Variants in REXO4 observed in about 807,000 individuals in gnomAD.
REXO4 encodes the protein REX4 homolog, 3'-5' exonuclease.
In REXO4, 29 loss-of-function variants were observed where a neutral mutation model predicts 39.9. That is an observed-to-expected ratio of 0.73 (90% CI 0.54 to 0.99). REXO4 has a LOEUF of 0.99. REXO4 is among the 50% of genes least tolerant of loss of function. The probability of loss-of-function intolerance (pLI) is 0.00; values close to 1 mark genes in which losing one functional copy is unlikely to be tolerated. For synonymous variants in REXO4, 184 were observed against 206.2 expected, an observed-to-expected ratio of 0.89 and a Z score of 0.92; for missense variants, 524 against 546.5, an observed-to-expected ratio of 0.96 and a Z score of 0.41.
chr9:133,407,663 AT>A (rs3214115), intron 7 of REXO4, 143 bp downstream of exon 7: 81,466 of 439,018 alleles, frequency 0.19, 1,536 homozygotes, highest in African/African-American at 0.2. Context: ...CCGCTCTACC[AT>A]TTTTTTTTTT....
At chr9:133,417,589 A>G in intron 1 of REXO4, 31 bp downstream of exon 1, 2 of 1,605,358 alleles carry the variant, frequency 1.2e-6, no homozygotes, top group Middle Eastern at 1.7e-4. Flanking sequence ...TGAGCTGCGC[A>G]GCGCTCCGCC....
At chr9:133,417,526 T>C (rs2130750939) in intron 1 of REXO4, 94 bp downstream of exon 1, 3 of 1,323,368 alleles carry the variant, frequency 2.3e-6, no homozygotes, top group East Asian at 2.3e-5. Context: ...AATCTGCCTT[T>C]ACAGGTCTTT....
upstream of REXO4, chr9:133,418,017 G>A (rs900791802): frequency 1.8e-5 from 11 of 622,082 alleles, no homozygotes; most frequent in Non-Finnish European, 2.5e-5. Flanking sequence ...GCATACCTCA[G>A]CACGCACGCT....
At chr9:133,413,618 C>T (rs1018553779) in intron 2 of REXO4, among the ~76,000 whole-genome samples, 1 of 152,160 alleles carries the variant, frequency 6.6e-6, no homozygotes, top group Non-Finnish European at 1.5e-5. Flanking sequence ...CCTTGCCCTC[C>T]GTACTAGGAA....
chr9:133,416,912 G>GT (rs1554781694), intron 1 of REXO4, among the ~76,000 whole-genome samples: 1 of 152,212 alleles, frequency 6.6e-6, no homozygotes, highest in African/African-American at 2.4e-5. Flanking sequence ...CTTCAAGACC[G>GT]TAAGTGTCGC....
chr9:133,408,978 G>A (rs1554779608), intron 5 of REXO4, 136 bp from the exon 6 acceptor site: 1 of 514,210 alleles, frequency 1.9e-6, no homozygotes, highest in Non-Finnish European at 3.5e-6. Flanking sequence ...GTGTGTGTGT[G>A]TGTGTGTGAC....
chr9:133,417,555 T>G lies in REXO4; in HGVS notation c.225+65A>C. On this transcript the variant is annotated intron_variant, in intron 1 of 7. Coordinates refer to ENST00000371942, the MANE Select transcript of REXO4 (RefSeq NM_020385.4). ...GGTCTTTTGGGGCTACCCAAGTCTT[T>G]CCCTCCGTCGCGTTCTGCGGGAATG... 3.9e-6 allele frequency: 6 copies of G among 1,543,570 alleles called. No homozygotes were observed. The South Asian group carries it at 6.7e-5, about 17-fold the overall frequency.
intron 4 of REXO4, among the ~76,000 whole-genome samples, chr9:133,411,908 A>T (rs137891360): frequency 2.6e-5 from 4 of 152,248 alleles, no homozygotes; most frequent in Middle Eastern, 3.4e-3. Flanking sequence ...CCTGGGCAAC[A>T]AGAGCAAAAC....
At chr9:133,412,262 C>T (rs781982450) in intron 4 of REXO4, 37 bp downstream of exon 4, 44 of 1,600,678 alleles carry the variant, frequency 2.7e-5, no homozygotes, top group Non-Finnish European at 3.6e-5. Context: ...CCAGTTACTA[C>T]TTTCCCTTCT....
chr9:133,406,819 C>A lies in REXO4; in HGVS notation c.*134G>T. 1 of 1,319,124 alleles carries A rather than the reference C, an allele frequency of 7.6e-7. No homozygotes were observed. The allele number at this position is 1,319,124 out of a possible 1,614,324, so 81.7% of individuals were successfully genotyped here. On this transcript the variant is annotated 3_prime_UTR_variant, in exon 8 of 8. Transcript: ENST00000371942. ...AGAGGAAGGAGGACCTTCTCAGTAG[C>A]ACCACGCCACGCCCCTCTGCCATGA...
At chr9:133,407,704 G>T in intron 7 of REXO4, 103 bp downstream of exon 7, 2 of 802,824 alleles carry the variant, frequency 2.5e-6, no homozygotes, top group Non-Finnish European at 4.0e-6. Flanking sequence ...ATAAGTAGGT[G>T]CCCAAGCCCC....
intron 1 of REXO4, among the ~76,000 whole-genome samples, chr9:133,416,101 A>G (rs1839582123): frequency 6.6e-6 from 1 of 152,248 alleles, no homozygotes; most frequent in Non-Finnish European, 1.5e-5. Flanking sequence ...TACAAGAAGC[A>G]TGGTGCCAGC....
rs1838901726 is a variant in REXO4, at chr9:133,406,869, G to A, written c.*84C>T. The A allele has an allele frequency of 1.9e-6, 3 of 1,577,938 alleles. No homozygotes were observed. The highest frequency in any genetic ancestry group is 2.6e-6 in the Non-Finnish European group (3 of 1,163,274). ...ATTCTGAAAAGGTTTCACCAGAGTT[G>A]CCACTCTGGGGAGATGTGATCTGTC... On this transcript the variant is annotated 3_prime_UTR_variant, in exon 8 of 8. Coordinates refer to ENST00000371942, the MANE Select transcript of REXO4 (RefSeq NM_020385.4).
Position 133,414,939 on chromosome 9 carries a change from G to A in REXO4, c.298C>T (p.Pro100Ser), listed in dbSNP as rs782632484. The part of the protein sequence containing the change: ...VISQMGSKKK[P>S]KIIQQNKKET... ...TTTTTGTTTTGCTGGATAATTTTGG[G>A]CTTCTTTTTGGAACCCATCTGAGAG... Residue 100 changes from proline (P) to serine (S), a missense_variant, in exon 2 of 8, where the codon CCC (proline) becomes TCC (serine). By Grantham distance (74) the Pro-to-Ser change is moderately conservative. Transcript: ENST00000371942. 3 of 1,613,514 alleles carry A rather than the reference G, an allele frequency of 1.9e-6. No individual in the cohort carries two copies. The highest frequency in any genetic ancestry group is 1.1e-5 in the South Asian group (1 of 90,970).
intron 7 of REXO4, 120 bp downstream of exon 7, chr9:133,407,687 T>C: frequency 3.1e-6 from 2 of 655,576 alleles, no homozygotes; most frequent in Non-Finnish European, 5.1e-6. Context: ...ACCAATAGCC[T>C]CGTAGGATAA....
At position 133,414,737 on chromosome 9, in the gene REXO4, A is replaced by AT; in HGVS notation, c.499dup (p.Ile167AsnfsTer11). ...CTCGATGTCCCCTCGTTCTGGAACA[A>AT]TATCACCATTTGTCCTTTCCTTGGT... On this transcript the variant is annotated frameshift_variant, in exon 2 of 8. Transcript: ENST00000371942. LOFTEE classifies it high-confidence loss of function. 6.2e-7 allele frequency: 1 copy of AT among 1,614,166 alleles called. No individual in the cohort carries two copies. Among genetic ancestry groups the AT allele is most frequent in the Non-Finnish European group, 8.5e-7 (1 of 1,180,040 alleles).
rs144320462 is a variant in REXO4, at chr9:133,412,811, C to T, written c.683G>A (p.Ser228Asn). ...KQLGQSEGSVSLSLVKEQAFG... is the reference protein window; with the variant it reads ...KQLGQSEGSVNLSLVKEQAFG... ...GGCCTGCTCTTTCACGAGGCTGAGG[C>T]TGACGCTGCCCTCGCTCTGACCCAA... The change falls in exon 3 of 8, where the codon AGC (serine) becomes AAC (asparagine). Residue 228 changes from serine to asparagine, a missense_variant. Physicochemically the swap from Ser to Asn is conservative, Grantham distance 46. Transcript: ENST00000371942. 3 of 1,613,626 alleles carry T rather than the reference C, an allele frequency of 1.9e-6. No individual in the cohort carries two copies. Among genetic ancestry groups the T allele is most frequent in the African/African-American group, 2.7e-5 (2 of 74,950 alleles).
Position 133,412,338 on chromosome 9 carries a change from T to A in REXO4, c.871A>T (p.Thr291Ser). 5 of 1,614,082 alleles carry A rather than the reference T, an allele frequency of 3.1e-6. No individual in the cohort carries two copies. Among genetic ancestry groups the A allele is most frequent in the Non-Finnish European group, 4.2e-6 (5 of 1,180,028 alleles). ...TCAGGCCGAATCCCACTGACCGCTG[T>A]CCTATAGTCCGTCACGGGCTCGGTT... ...KPTEPVTDYR[T>S]AVSGIRPENL... The change falls in exon 4 of 8, where the codon ACA (threonine) becomes TCA (serine). Residue 291 changes from threonine (T) to serine (S), a missense_variant. Transcript: ENST00000371942.
intron 6 of REXO4, 104 bp downstream of exon 6, chr9:133,408,664 A>T (rs1839042400): frequency 2.6e-6 from 2 of 775,214 alleles, no homozygotes; most frequent in Non-Finnish European, 4.4e-6. Flanking sequence ...TAAAAGAAAA[A>T]ACAAAAACCC....
Sources: gnomAD v4.1 joint callset for allele counts (sites outside exome capture counted in the v4.1 genomes callset) on GRCh38, gnomAD v4.1.1 for gene constraint, MANE v1.5 for transcripts, NCBI Gene and HGNC (gene_info 2026-07-23, HGNC 2026-07-21) for gene names.